The following LRFN2 variants were observed in gnomAD, a reference collection of about 807,000 sequenced individuals.
The protein encoded by LRFN2 is leucine-rich repeat and fibronectin type-III domain-containing protein 2.
In LRFN2, 18 loss-of-function variants were observed where a neutral mutation model predicts 37.3. The ratio of observed to expected loss-of-function variants is 0.48; its 90% CI spans 0.33 to 0.72. The LOEUF is 0.72. Among genes scored for constraint, LRFN2 ranks in the 30% least tolerant of loss-of-function variants. The pLI, the probability that LRFN2 is intolerant of heterozygous loss-of-function variation, is 0.02. For missense variants in LRFN2, 1,006 were observed against 1,060.7 expected (o/e 0.95, Z 0.72); for synonymous variants, 556 against 466.6 (o/e 1.19, Z -2.47).
intron 1 of LRFN2, among the ~76,000 whole-genome samples, chr6:40,553,768 G>A (rs1444144700): frequency 1.3e-5 from 2 of 152,196 alleles, no homozygotes; most frequent in Admixed American, 6.5e-5. Context: ...AGTCTTACAG[G>A]TGGATAATAT....
At chr6:40,534,322 C>T (rs1448295683) in intron 1 of LRFN2, among the ~76,000 whole-genome samples, 1 of 152,114 alleles carries the variant, frequency 6.6e-6, no homozygotes, top group African/African-American at 2.4e-5. Flanking sequence ...ATGGTGAAAG[C>T]TCCCCCAAGG....
At chr6:40,423,817 T>C (rs1763284630) in intron 2 of LRFN2, among the ~76,000 whole-genome samples, 1 of 152,170 alleles carries the variant, frequency 6.6e-6, no homozygotes, top group South Asian at 2.1e-4. Context: ...ATGGGATCAC[T>C]GGTGCTCTAG....
chr6:40,517,028 G>T (rs1391172974), intron 1 of LRFN2, among the ~76,000 whole-genome samples: 1 of 152,126 alleles, frequency 6.6e-6, no homozygotes, highest in African/African-American at 2.4e-5. Flanking sequence ...CCTGCATAGG[G>T]CTTACTTTCC....
chr6:40,510,548 CT>C (rs1561887036), intron 1 of LRFN2, among the ~76,000 whole-genome samples: 1 of 152,210 alleles, frequency 6.6e-6, no homozygotes, highest in Non-Finnish European at 1.5e-5. Flanking sequence ...ATTTGTTGAG[CT>C]CCTACATGAT....
chr6:40,505,036 A>T (rs2113879148), intron 1 of LRFN2, among the ~76,000 whole-genome samples: 1 of 152,328 alleles, frequency 6.6e-6, no homozygotes, highest in Non-Finnish European at 1.5e-5. Context: ...GCAGAGGTGA[A>T]GACTACGAGC....
intron 2 of LRFN2, among the ~76,000 whole-genome samples, chr6:40,405,865 A>C (rs1205900281): frequency 6.6e-6 from 1 of 152,214 alleles, no homozygotes; most frequent in Non-Finnish European, 1.5e-5. Context: ...TCATCTCCCC[A>C]GCGTTAGGCC....
chr6:40,400,159 C>T (rs1232426947), intron 2 of LRFN2, among the ~76,000 whole-genome samples: 5 of 151,990 alleles, frequency 3.3e-5, no homozygotes, highest in South Asian at 4.2e-4. Context: ...CCCTGGGGGT[C>T]GTTCATGTAC....
intron 1 of LRFN2, among the ~76,000 whole-genome samples, chr6:40,527,163 A>G (rs188236446): frequency 1.3e-5 from 2 of 152,346 alleles, no homozygotes; most frequent in Non-Finnish European, 2.9e-5. Flanking sequence ...ATGGAAATTG[A>G]TCTTCTTTGC....
At chr6:40,543,892 G>C (rs1766604136) in intron 1 of LRFN2, among the ~76,000 whole-genome samples, 1 of 152,186 alleles carries the variant, frequency 6.6e-6, no homozygotes, top group South Asian at 2.1e-4. Context: ...CTGCAGCCAG[G>C]TTCTAAATGC....
At chr6:40,435,040 T>TAGAGAGAG (rs1386329265) in intron 1 of LRFN2, among the ~76,000 whole-genome samples, 1 of 93,714 alleles carries the variant, frequency 1.1e-5, no homozygotes, top group Non-Finnish European at 2.0e-5. Flanking sequence ...TATATATATA[T>TAGAGAGAG]ATATATATAT....
chr6:40,488,038 G>A (rs988165952), intron 1 of LRFN2, among the ~76,000 whole-genome samples: 4 of 152,088 alleles, frequency 2.6e-5, no homozygotes, highest in Admixed American at 6.5e-5. Flanking sequence ...CCCTAGCCAC[G>A]GGTCGAAAAG....
chr6:40,523,020 G>A (rs540759647), intron 1 of LRFN2, among the ~76,000 whole-genome samples: 8 of 152,340 alleles, frequency 5.3e-5, no homozygotes, highest in South Asian at 2.1e-4. Flanking sequence ...TCAGAATGGC[G>A]TTAGGGAGAC....
intron 1 of LRFN2, among the ~76,000 whole-genome samples, chr6:40,536,670 T>C (rs1202719259): frequency 6.6e-6 from 1 of 152,106 alleles, no homozygotes; most frequent in Non-Finnish European, 1.5e-5. Context: ...AGAGCTTGCC[T>C]GCAGGGACTC....
intron 1 of LRFN2, among the ~76,000 whole-genome samples, chr6:40,572,497 G>T (rs1767207309): frequency 6.6e-6 from 1 of 152,170 alleles, no homozygotes; most frequent in Non-Finnish European, 1.5e-5. Context: ...AAGAGAAAAA[G>T]TACCTTACAA....
At chr6:40,555,321 G>A (rs534672004) in intron 1 of LRFN2, among the ~76,000 whole-genome samples, 11 of 152,312 alleles carry the variant, frequency 7.2e-5, no homozygotes, top group Admixed American at 5.9e-4. Context: ...GGGTTGCGGT[G>A]GGGAGGCTGG....
Position 40,432,635 on chromosome 6 carries a change from T to C in LRFN2, c.479A>G (p.Asn160Ser). Reference protein sequence around the residue: ...TLEDLDLSYNNLHGLPWDSVR... With the variant: ...TLEDLDLSYNSLHGLPWDSVR... ...GGAGTCCCACGGCAGGCCATGGAGG[T>C]TGTTGTAGGAGAGGTCCAGATCCTC... Residue 160 changes from asparagine to serine, a missense_variant, in exon 2 of 3, where the codon AAC (asparagine) becomes AGC (serine). By Grantham distance (46) the Asn-to-Ser change is conservative. Transcript: ENST00000338305. 1.9e-6 allele frequency: 3 copies of C among 1,613,808 alleles called. No homozygotes were observed. Among genetic ancestry groups the C allele is most frequent in the South Asian group, 1.1e-5 (1 of 91,052 alleles).
chr6:40,563,883 C>A (rs753826823), intron 1 of LRFN2, among the ~76,000 whole-genome samples: 1 of 152,174 alleles, frequency 6.6e-6, no homozygotes, highest in Non-Finnish European at 1.5e-5. Context: ...GATTACTCCA[C>A]AGACAGACCT....
chr6:40,426,042 G>T lies in LRFN2; in HGVS notation c.1400+5672C>A, dbSNP rs529907757. Among the ~76,000 whole-genome samples, 6 of 152,268 alleles carry T rather than the reference G, an allele frequency of 3.9e-5. No homozygotes were observed. In the East Asian group the frequency reaches 1.2e-3, roughly 29 times the overall value. On this transcript the variant is annotated intron_variant, in intron 2 of 2. Transcript: ENST00000338305. ...AATGGCCTATGTCCAGGTCTGGTTG[G>T]GTTCTCTGGGCCTCTGCCAAGATTT...
chr6:40,580,946 T>C (rs1249324358), intron 1 of LRFN2, among the ~76,000 whole-genome samples: 1 of 152,148 alleles, frequency 6.6e-6, no homozygotes, highest in East Asian at 1.9e-4. Context: ...TAAGTATATG[T>C]GTGGGCATGC....
Sources: allele counts gnomAD v4.1 joint callset (sites outside exome capture counted in the v4.1 genomes callset), GRCh38; gene constraint gnomAD v4.1.1; transcripts MANE v1.5; gene names NCBI Gene and HGNC (gene_info 2026-07-23, HGNC 2026-07-21).